The following MIS18A variants were observed in gnomAD, a reference collection of about 807,000 sequenced individuals.
MIS18A encodes the protein protein Mis18-alpha.
Under a neutral mutation model 25.0 loss-of-function variants are expected in MIS18A, and 14 were observed. The observed-to-expected ratio is 0.56, with a 90% CI of 0.37 to 0.88. The LOEUF is 0.88. Ranked by LOEUF, MIS18A falls within the 40% of genes least tolerant of loss-of-function variation. The pLI is 0.00. For missense variants in MIS18A, 292 were observed against 290.8 expected, an observed-to-expected ratio of 1.00 and a Z score of -0.03; for synonymous variants, 134 against 118.6, an observed-to-expected ratio of 1.13 and a Z score of -0.84.
the MIS18A span, among the ~76,000 whole-genome samples, chr21:32,246,115 A>G: frequency 6.6e-6 from 1 of 152,200 alleles, no homozygotes; most frequent in African/African-American, 2.4e-5. Flanking sequence ...TGGTGAGGAC[A>G]GTATCGAGGG....
chr21:32,273,448 A>G (rs1421604563), intron 2 of MIS18A, among the ~76,000 whole-genome samples: 1 of 151,938 alleles, frequency 6.6e-6, no homozygotes, highest in Non-Finnish European at 1.5e-5. Context: ...AGCCACAGTC[A>G]CCTCATTAGG....
the MIS18A span, among the ~76,000 whole-genome samples, chr21:32,234,274 C>T: frequency 1.3e-5 from 2 of 152,122 alleles, no homozygotes; most frequent in African/African-American, 4.8e-5. Context: ...AGGGTTCTGG[C>T]CCCACCCTAG....
At chr21:32,221,279 CT>C in the MIS18A span, among the ~76,000 whole-genome samples, 1 of 152,206 alleles carries the variant, frequency 6.6e-6, no homozygotes, top group African/African-American at 2.4e-5. Flanking sequence ...AACAGGAGAT[CT>C]CTCTAAAGAA....
the MIS18A span, chr21:32,156,547 A>G: frequency 2.0e-5 from 3 of 152,042 alleles, no homozygotes; most frequent in East Asian, 5.8e-4. Flanking sequence ...TATAGTACCC[A>G]CTTTTATAAG....
At chr21:32,207,247 T>C in the MIS18A span, among the ~76,000 whole-genome samples, 1 of 152,044 alleles carries the variant, frequency 6.6e-6, no homozygotes, top group Non-Finnish European at 1.5e-5. Context: ...AATGCAAAAA[T>C]TGCAGATAAG....
At chr21:32,255,415 T>TAG in the MIS18A span, among the ~76,000 whole-genome samples, 1 of 151,692 alleles carries the variant, frequency 6.6e-6, no homozygotes, top group Non-Finnish European at 1.5e-5. Context: ...ATTTTTTTAG[T>TAG]AGAGATGCGG....
At chr21:32,223,841 G>A in the MIS18A span, among the ~76,000 whole-genome samples, 8 of 152,100 alleles carry the variant, frequency 5.3e-5, no homozygotes, top group East Asian at 1.9e-4. Context: ...AAAATTTCAG[G>A]CCAATATCCC....
At chr21:32,191,175 G>A in the MIS18A span, among the ~76,000 whole-genome samples, 19 of 152,230 alleles carry the variant, frequency 1.2e-4, no homozygotes, top group African/African-American at 3.6e-4. Flanking sequence ...ATAAATGCAT[G>A]AATGGACAAC....
At chr21:32,176,924 C>A in the MIS18A span, among the ~76,000 whole-genome samples, 1 of 151,814 alleles carries the variant, frequency 6.6e-6, no homozygotes, top group East Asian at 1.9e-4. Context: ...GGTACCAAAG[C>A]GTGATGAAGA....
At chr21:32,252,711 A>C in the MIS18A span, among the ~76,000 whole-genome samples, 1 of 152,198 alleles carries the variant, frequency 6.6e-6, no homozygotes, top group Non-Finnish European at 1.5e-5. Flanking sequence ...CCAGGAAAGA[A>C]ATATATGTCA....
chr21:32,219,614 C>A, the MIS18A span, among the ~76,000 whole-genome samples: 3 of 152,228 alleles, frequency 2.0e-5, no homozygotes, highest in Admixed American at 6.5e-5. Context: ...GCCTGGAATG[C>A]CAGCAAGACA....
intron 1 of MIS18A, among the ~76,000 whole-genome samples, chr21:32,276,004 G>A (rs916369076): frequency 6.6e-6 from 1 of 152,116 alleles, no homozygotes; most frequent in African/African-American, 2.4e-5. Flanking sequence ...GTACTCACTA[G>A]AACAGATTAC....
chr21:32,167,211 T>A, the MIS18A span, among the ~76,000 whole-genome samples: 2 of 152,170 alleles, frequency 1.3e-5, no homozygotes, highest in Non-Finnish European at 2.9e-5. Flanking sequence ...TGGAGGTAGA[T>A]AATATGATCC....
chr21:32,193,261 A>T, the MIS18A span, among the ~76,000 whole-genome samples: 2 of 152,078 alleles, frequency 1.3e-5, no homozygotes, highest in Admixed American at 6.5e-5. Flanking sequence ...CTGCAAGGAG[A>T]AAAGGCCTCC....
the MIS18A span, among the ~76,000 whole-genome samples, chr21:32,215,085 G>A: frequency 3.0e-4 from 46 of 152,326 alleles, no homozygotes; most frequent in African/African-American, 1.1e-3. Context: ...GACATCTTGT[G>A]GGCTCAGGCC....
chr21:32,184,230 T>G, the MIS18A span, among the ~76,000 whole-genome samples: 1 of 152,204 alleles, frequency 6.6e-6, no homozygotes, highest in Admixed American at 6.5e-5. Flanking sequence ...CAGACGCGAC[T>G]TGCTTGTTTG....
the MIS18A span, among the ~76,000 whole-genome samples, chr21:32,215,823 T>C: frequency 6.6e-6 from 1 of 152,206 alleles, no homozygotes; most frequent in Non-Finnish European, 1.5e-5. Flanking sequence ...AACCAAAAAC[T>C]GAGAGGCACA....
intron 2 of MIS18A, among the ~76,000 whole-genome samples, chr21:32,271,823 C>T (rs2031719642): frequency 1.3e-5 from 2 of 152,090 alleles, no homozygotes; most frequent in Non-Finnish European, 1.5e-5. Flanking sequence ...ACAGGTAAAC[C>T]TCCATGCTAT....
chr21:32,275,705 G>A (rs1294297503), intron 1 of MIS18A, among the ~76,000 whole-genome samples: 2 of 151,996 alleles, frequency 1.3e-5, no homozygotes, highest in South Asian at 2.1e-4. Flanking sequence ...ACCTTAACTC[G>A]GTAAACTCCA....
Sources: allele counts gnomAD v4.1 joint callset (sites outside exome capture counted in the v4.1 genomes callset), GRCh38; gene constraint gnomAD v4.1.1; transcripts MANE v1.5; gene names NCBI Gene and HGNC (gene_info 2026-07-23, HGNC 2026-07-21).